The following MRPS28 variants were observed in gnomAD, a reference collection of about 807,000 sequenced individuals.
The protein encoded by MRPS28 is small ribosomal subunit protein bS1m.
MRPS28 carries 7 observed loss-of-function variants against 10.8 expected under a neutral mutation model. The ratio of observed to expected loss-of-function variants is 0.65; its 90% confidence interval spans 0.37 to 1.22. MRPS28 has a LOEUF of 1.22. MRPS28 is among the 50% of genes most tolerant of loss of function. MRPS28 has a pLI of 0.02. For synonymous variants in MRPS28, 121 were observed against 93.3 expected (o/e 1.30, Z -1.71); for missense variants, 265 against 232.9 (o/e 1.14, Z -0.90).
rs74804083 is a variant in MRPS28, at chr8:79,997,555, T to A, written c.395+5444A>T. Among the ~76,000 whole-genome samples, 954 of 151,678 alleles carry A rather than the reference T, an allele frequency of 6.3e-3. 14 individuals are homozygous for A. Among genetic ancestry groups the A allele is most frequent in the East Asian group, 0.056 (290 of 5,152 alleles). On this transcript the variant is annotated intron_variant, in intron 2 of 2. Coordinates refer to ENST00000276585, the MANE Select transcript of MRPS28 (RefSeq NM_014018.3). ...AGTTTTCTTGCACAATCTAATTCAA[T>A]AGCAATTTCTTAAAAACAAAAAACT...
intron 2 of MRPS28, among the ~76,000 whole-genome samples, chr8:79,926,857 C>T (rs1810246435): frequency 6.6e-6 from 1 of 152,186 alleles, no homozygotes; most frequent in African/African-American, 2.4e-5. Flanking sequence ...TGGGGTCCAA[C>T]CCAGACCTGC....
chr8:79,933,181 A>C (rs1806512324), intron 2 of MRPS28, among the ~76,000 whole-genome samples: 2 of 152,206 alleles, frequency 1.3e-5, no homozygotes, highest in African/African-American at 4.8e-5. Flanking sequence ...TAAACAACAG[A>C]AATTTGTTTT....
chr8:79,989,035 G>A (rs573536535), intron 2 of MRPS28, among the ~76,000 whole-genome samples: 1 of 152,308 alleles, frequency 6.6e-6, no homozygotes, highest in Non-Finnish European at 1.5e-5. Context: ...ATACAAAGCA[G>A]TTAAGCAGAA....
intron 2 of MRPS28, among the ~76,000 whole-genome samples, chr8:79,984,952 C>A (rs971379518): frequency 6.6e-6 from 1 of 152,154 alleles, no homozygotes; most frequent in African/African-American, 2.4e-5. Flanking sequence ...AATTCTCCAC[C>A]CCAAATCAAC....
chr8:79,942,084 A>G (rs1806784286), intron 2 of MRPS28, among the ~76,000 whole-genome samples: 1 of 152,196 alleles, frequency 6.6e-6, no homozygotes, highest in African/African-American at 2.4e-5. Flanking sequence ...CCCTAGTGGC[A>G]TGCAAAGTCT....
chr8:80,003,664 C>A (rs1022844323), intron 1 of MRPS28, among the ~76,000 whole-genome samples: 1 of 152,156 alleles, frequency 6.6e-6, no homozygotes, highest in Non-Finnish European at 1.5e-5. Context: ...GCAGTGGGTG[C>A]AGCCCACCGA....
At chr8:79,985,515 T>G (rs1310416416) in intron 2 of MRPS28, among the ~76,000 whole-genome samples, 1 of 151,808 alleles carries the variant, frequency 6.6e-6, no homozygotes, top group African/African-American at 2.4e-5. Context: ...TCAACAAAAT[T>G]GATAGACCGC....
chr8:79,951,712 T>G (rs1266873785), intron 2 of MRPS28, among the ~76,000 whole-genome samples: 2 of 152,210 alleles, frequency 1.3e-5, no homozygotes, highest in African/African-American at 4.8e-5. Context: ...AGAATTTTCT[T>G]ACTCTTAAAA....
At chr8:79,940,872 C>T (rs145602912) in intron 2 of MRPS28, among the ~76,000 whole-genome samples, 65 of 152,278 alleles carry the variant, frequency 4.3e-4, no homozygotes, top group African/African-American at 1.4e-3. Context: ...AGAGTTTTCT[C>T]ACACATGAAA....
intron 1 of MRPS28, among the ~76,000 whole-genome samples, chr8:80,006,324 A>T (rs1039021551): frequency 3.3e-5 from 5 of 152,316 alleles, no homozygotes; most frequent in Non-Finnish European, 7.3e-5. Flanking sequence ...GGATTAAGAA[A>T]CTCACTCAAA....
intron 2 of MRPS28, among the ~76,000 whole-genome samples, chr8:79,993,597 T>C (rs955989455): frequency 9.2e-5 from 14 of 152,196 alleles, no homozygotes; most frequent in African/African-American, 3.4e-4. Context: ...TATTTGAACA[T>C]ATTTTAAGGT....
intron 2 of MRPS28, among the ~76,000 whole-genome samples, chr8:79,938,014 T>G (rs1164209616): frequency 1.3e-5 from 2 of 152,160 alleles, no homozygotes; most frequent in African/African-American, 2.4e-5. Context: ...TCATCTTTTT[T>G]GGGGGGAGGT....
chr8:79,920,932 T>G lies in MRPS28; in HGVS notation c.396-1784A>C, dbSNP rs976593521. Among the ~76,000 whole-genome samples, 8 of 152,252 alleles carry G rather than the reference T, an allele frequency of 5.3e-5. No individual in the cohort carries two copies. The South Asian group carries it at 1.0e-3, about 20-fold the overall frequency. ...TTTTTATGGTTTTAGGTCTAACATT[T>G]AAGTCTTTAATCCATCTTGAATTAA... On this transcript the variant is annotated intron_variant, in intron 2 of 2. Coordinates refer to ENST00000276585, the MANE Select transcript of MRPS28 (RefSeq NM_014018.3).
intron 2 of MRPS28, among the ~76,000 whole-genome samples, chr8:79,995,523 C>T (rs1563537361): frequency 6.6e-6 from 1 of 152,168 alleles, no homozygotes; most frequent in Non-Finnish European, 1.5e-5. Flanking sequence ...GATAAATGCT[C>T]ATGTCCAAAA....
At chr8:80,000,706 T>C (rs138740656) in intron 2 of MRPS28, among the ~76,000 whole-genome samples, 15 of 152,300 alleles carry the variant, frequency 9.8e-5, no homozygotes, top group African/African-American at 3.6e-4. Context: ...ATTAGAAAAC[T>C]AATCGCAAAT....
intron 2 of MRPS28, among the ~76,000 whole-genome samples, chr8:79,938,211 A>G (rs929363434): frequency 7.0e-5 from 9 of 128,898 alleles, no homozygotes; most frequent in African/African-American, 2.1e-4. Context: ...TCCGAGTGCT[A>G]CATTAAAAAG....
chr8:79,959,412 G>T (rs1807312486), intron 2 of MRPS28, among the ~76,000 whole-genome samples: 1 of 152,022 alleles, frequency 6.6e-6, no homozygotes, highest in African/African-American at 2.4e-5. Flanking sequence ...TAACTGAAAA[G>T]ACTGTAATGA....
At chr8:79,928,591 T>C (rs1014150215) in intron 2 of MRPS28, among the ~76,000 whole-genome samples, 2 of 151,760 alleles carry the variant, frequency 1.3e-5, no homozygotes, top group Non-Finnish European at 1.5e-5. Context: ...AGGTGTGTGC[T>C]ACCACACCTG....
rs560288501 is a variant in MRPS28, at chr8:79,974,489, C to T, written c.395+28510G>A. Among the ~76,000 whole-genome samples, 10 of 151,356 alleles carry T rather than the reference C, an allele frequency of 6.6e-5. No homozygotes were observed. The East Asian group carries it at 1.4e-3, about 21-fold the overall frequency. On this transcript the variant is annotated intron_variant, in intron 2 of 2. Transcript: ENST00000276585. Reference sequence around the variant, plus strand: ...CCGAGAGGCAGAGCTTGCAGTGAGCCGAGATTTCGCCACTATATTCCAGCC... The same window carrying T: ...CCGAGAGGCAGAGCTTGCAGTGAGCTGAGATTTCGCCACTATATTCCAGCC...
Sources: allele counts gnomAD v4.1 joint callset (sites outside exome capture counted in the v4.1 genomes callset), GRCh38; gene constraint gnomAD v4.1.1; transcripts MANE v1.5; gene names NCBI Gene and HGNC (gene_info 2026-07-23, HGNC 2026-07-21).